The following MAPRE2 variants were observed in gnomAD, a reference collection of about 807,000 sequenced individuals.
The protein encoded by MAPRE2 is microtubule-associated protein RP/EB family member 2.
MAPRE2 carries 13 observed loss-of-function variants against 43.2 expected under a neutral mutation model. The observed-to-expected ratio is 0.30, with a 90% CI of 0.20 to 0.48. MAPRE2 has a LOEUF of 0.48. Among genes scored for constraint, MAPRE2 ranks in the 20% least tolerant of loss-of-function variants. MAPRE2 has a pLI of 0.99. For synonymous variants in MAPRE2, 135 were observed against 148.8 expected, an observed-to-expected ratio of 0.91 and a Z score of 0.68; for missense variants, 161 against 400.2, an observed-to-expected ratio of 0.40 and a Z score of 5.10.
Position 35,027,342 on chromosome 18 carries a change from T to C in MAPRE2, c.-8+21789T>C, listed in dbSNP as rs73424653. 3.3e-3 allele frequency among the ~76,000 whole-genome samples: 500 copies of C among 152,294 alleles called. 2 individuals are homozygous for C. Among genetic ancestry groups the C allele is most frequent in the African/African-American group, 0.011 (471 of 41,550 alleles). ...CCAAGACTAGGTTTTAAAACTGCCA[T>C]GCCCTTCTGCCTGCTCATTAGGGAT... On this transcript the variant is annotated intron_variant, in intron 2 of 7. Transcript: ENST00000413393.
intron 1 of MAPRE2, among the ~76,000 whole-genome samples, chr18:35,049,111 G>A (rs919527513): frequency 3.9e-5 from 6 of 152,056 alleles, no homozygotes; most frequent in African/African-American, 9.7e-5. Flanking sequence ...AGCCTACCCT[G>A]GCAAAGCCCT....
Position 35,132,137 on chromosome 18 carries a change from A to G in MAPRE2, c.856A>G (p.Asn286Asp). 1.2e-6 allele frequency: 2 copies of G among 1,614,206 alleles called. No individual in the cohort carries two copies. Among genetic ancestry groups the G allele is most frequent in the Non-Finnish European group, 1.7e-6 (2 of 1,180,030 alleles). Residue 286 changes from asparagine to aspartate, a missense_variant, in exon 6 of 7, where the codon AAT becomes GAT. This residue lies in a region of MAPRE2 where 96 missense variants were observed against 153.3 expected (regional missense o/e 0.63). Coordinates refer to ENST00000300249, the MANE Select transcript of MAPRE2 (RefSeq NM_014268.4). The stretch of plus-strand genomic sequence containing the variant: ...ACTCTGCCAAGAACACGGGCAGGAA[A>G]ATGATGACCTCGTGCAGAGACTAAT... The part of the protein sequence containing the change: ...ELLCQEHGQE[N>D]DDLVQRLMDI...
At chr18:35,003,072 G>A (rs1027057836) in intron 1 of MAPRE2, among the ~76,000 whole-genome samples, 2 of 151,998 alleles carry the variant, frequency 1.3e-5, no homozygotes, top group African/African-American at 2.4e-5. Context: ...TCGTTTTTAC[G>A]TAAAGTGTGA....
chr18:35,003,974 T>G (rs908072502), intron 1 of MAPRE2, among the ~76,000 whole-genome samples: 1 of 152,256 alleles, frequency 6.6e-6, no homozygotes, highest in Non-Finnish European at 1.5e-5. Flanking sequence ...TATATCTTAA[T>G]TTAGTTATTG....
chr18:34,981,878 TTTTTA>T (rs1568959637), intron 1 of MAPRE2, among the ~76,000 whole-genome samples: 4 of 36,904 alleles, frequency 1.1e-4, no homozygotes, highest in East Asian at 1.2e-3. Context: ...TTTTTTTTTA[TTTTTA>T]TTTATTTTTT....
intron 1 of MAPRE2, among the ~76,000 whole-genome samples, chr18:35,068,515 T>C (rs1294336694): frequency 1.3e-5 from 2 of 152,234 alleles, no homozygotes; most frequent in African/African-American, 4.8e-5. Context: ...CATGGATTCA[T>C]AATTATACTT....
At chr18:35,052,717 A>G (rs1906008054) in intron 1 of MAPRE2, among the ~76,000 whole-genome samples, 1 of 152,158 alleles carries the variant, frequency 6.6e-6, no homozygotes, top group South Asian at 2.1e-4. Flanking sequence ...CATCCTTGGC[A>G]ACACTTACTA....
At chr18:34,988,632 A>C (rs2097022229) in intron 1 of MAPRE2, 1 of 128,534 alleles carries the variant, frequency 7.8e-6, no homozygotes, top group Admixed American at 7.7e-5. Flanking sequence ...TTCCTGCAAC[A>C]TGCCTGATTT....
chr18:35,109,354 C>T (rs1256427996), intron 4 of MAPRE2, among the ~76,000 whole-genome samples: 1 of 152,178 alleles, frequency 6.6e-6, no homozygotes, highest in African/African-American at 2.4e-5. Flanking sequence ...GTTTTGGTTA[C>T]TGTAGCCTTG....
chr18:35,034,749 G>A (rs1028351006), intron 2 of MAPRE2, among the ~76,000 whole-genome samples: 14 of 152,160 alleles, frequency 9.2e-5, no homozygotes, highest in Non-Finnish European at 1.5e-4. Context: ...CAGCCAAAAG[G>A]CACATGAAAA....
intron 1 of MAPRE2, among the ~76,000 whole-genome samples, chr18:34,983,016 G>T (rs1450361360): frequency 6.6e-6 from 1 of 152,156 alleles, no homozygotes; most frequent in Non-Finnish European, 1.5e-5. Flanking sequence ...GCATGGAATT[G>T]TTGAACCAAA....
At chr18:35,087,254 GT>G (rs140547240) in intron 2 of MAPRE2, among the ~76,000 whole-genome samples, 4,556 of 152,178 alleles carry the variant, frequency 0.03, 217 homozygotes, top group African/African-American at 0.1. Flanking sequence ...AGAAAGAATA[GT>G]TTTTTCCCCC....
intron 2 of MAPRE2, among the ~76,000 whole-genome samples, chr18:35,032,162 A>C (rs370910940): frequency 2.0e-5 from 3 of 152,274 alleles, no homozygotes; most frequent in African/African-American, 7.2e-5. Flanking sequence ...AATATCTTAA[A>C]ATATACACAT....
Position 35,140,328 on chromosome 18 carries a change from C to G in MAPRE2, c.943C>G (p.Gln315Glu), listed in dbSNP as rs1427667454. The stretch of plus-strand genomic sequence containing the variant: ...CACAGAAGAGCCGGAAGCAGAGGAG[C>G]AAGCCCACGAACAGCAGCCCCCGCA... The part of the protein sequence containing the change: ...GHTEEPEAEE[Q>E]AHEQQPPQQE... Residue 315 changes from glutamine (Q) to glutamate (E), a missense_variant, in exon 7 of 7, where the codon CAA becomes GAA. Physicochemically the swap from Gln to Glu is conservative, Grantham distance 29. Transcript: ENST00000300249. The G allele has an allele frequency of 6.2e-7, 1 of 1,613,766 alleles. No individual in the cohort carries two copies. Among genetic ancestry groups the G allele is most frequent in the Non-Finnish European group, 8.5e-7 (1 of 1,179,938 alleles).
intron 1 of MAPRE2, among the ~76,000 whole-genome samples, chr18:35,052,519 A>G (rs1241819485): frequency 2.0e-5 from 3 of 152,192 alleles, no homozygotes; most frequent in African/African-American, 4.8e-5. Flanking sequence ...GCAAGTTTCT[A>G]TGAATATTGT....
chr18:35,027,508 C>G (rs568033703), intron 2 of MAPRE2, among the ~76,000 whole-genome samples: 2 of 152,116 alleles, frequency 1.3e-5, no homozygotes, highest in Admixed American at 6.6e-5. Flanking sequence ...ACTGAGGAAG[C>G]CTTTATGAAG....
chr18:35,127,924 G>A (rs955748337), intron 5 of MAPRE2, among the ~76,000 whole-genome samples: 4 of 152,148 alleles, frequency 2.6e-5, no homozygotes, highest in Admixed American at 6.5e-5. Context: ...TAAAAGCAAC[G>A]GGTAGTGGAG....
chr18:35,055,549 G>GTGTGTGTGTGTGTGTA (rs1356519861), intron 1 of MAPRE2, among the ~76,000 whole-genome samples: 1 of 148,610 alleles, frequency 6.7e-6, no homozygotes, highest in Non-Finnish European at 1.5e-5. Flanking sequence ...GTGTGTGTGT[G>GTGTGTGTGTGTGTGTA]TGTGTGTGTG....
chr18:35,070,820 C>G (rs1381375402), intron 2 of MAPRE2, among the ~76,000 whole-genome samples: 3 of 152,214 alleles, frequency 2.0e-5, no homozygotes, highest in Non-Finnish European at 2.9e-5. Flanking sequence ...CCTAAAGACT[C>G]TTTCCCTTTT....
Sources: gnomAD v4.1 joint callset for allele counts (sites outside exome capture counted in the v4.1 genomes callset) on GRCh38, gnomAD v4.1.1 for gene constraint, gnomAD v4.1.1 regional missense constraint, MANE v1.5 for transcripts, NCBI Gene and HGNC (gene_info 2026-07-23, HGNC 2026-07-21) for gene names.